Variants in TMEFF2 observed in about 807,000 individuals in gnomAD.
TMEFF2 encodes transmembrane protein with EGF like and two follistatin like domains 2.
Under a neutral mutation model 53.8 loss-of-function variants are expected in TMEFF2, and 28 were observed. The observed-to-expected ratio is 0.52, with a 90% CI of 0.39 to 0.71. TMEFF2 has a LOEUF of 0.71. Among genes scored for constraint, TMEFF2 ranks in the 30% least tolerant of loss-of-function variants. The probability of loss-of-function intolerance (pLI) is 0.00; values close to 1 mark genes in which losing one functional copy is unlikely to be tolerated. For synonymous variants in TMEFF2, 162 were observed against 166.3 expected (o/e 0.97, Z 0.20); for missense variants, 353 against 455.2 (o/e 0.78, Z 2.04).
chr2:192,084,355 AATG>A (rs374487881), intron 4 of TMEFF2, among the ~76,000 whole-genome samples: 4 of 152,166 alleles, frequency 2.6e-5, no homozygotes, highest in South Asian at 2.1e-4. Flanking sequence ...TGAGAGAGGA[AATG>A]ATATTTTCCA....
chr2:192,080,504 T>G (rs771164479), intron 4 of TMEFF2, among the ~76,000 whole-genome samples: 59 of 152,220 alleles, frequency 3.9e-4, no homozygotes, highest in Non-Finnish European at 5.7e-4. Flanking sequence ...TAAACATCTT[T>G]CCTTTATAAA....
intron 5 of TMEFF2, among the ~76,000 whole-genome samples, chr2:192,046,316 A>G (rs1687620044): frequency 6.6e-6 from 1 of 152,166 alleles, no homozygotes; most frequent in Non-Finnish European, 1.5e-5. Context: ...GTGAATCAAG[A>G]TCATGCCGCT....
intron 4 of TMEFF2, among the ~76,000 whole-genome samples, chr2:192,117,750 T>G (rs1689449478): frequency 6.6e-6 from 1 of 152,024 alleles, no homozygotes; most frequent in Admixed American, 6.6e-5. Flanking sequence ...CCAGGCCAAG[T>G]CTTCATTTGC....
chr2:191,994,941 G>T (rs1160159250), intron 7 of TMEFF2, among the ~76,000 whole-genome samples: 1 of 151,964 alleles, frequency 6.6e-6, no homozygotes. Flanking sequence ...GCAGAATAGA[G>T]ATCCAAATCA....
intron 4 of TMEFF2, among the ~76,000 whole-genome samples, chr2:192,063,171 G>T (rs1384086094): frequency 1.3e-5 from 2 of 151,634 alleles, no homozygotes; most frequent in Non-Finnish European, 2.9e-5. Context: ...TTCTCATATA[G>T]GTATTAAAAT....
At chr2:192,055,947 G>T (rs1022119286) in intron 5 of TMEFF2, among the ~76,000 whole-genome samples, 2 of 152,170 alleles carry the variant, frequency 1.3e-5, no homozygotes, top group African/African-American at 4.8e-5. Flanking sequence ...ACTGCTGTCT[G>T]ATTTTAGTAA....
chr2:191,984,193 A>G (rs1418655137), intron 7 of TMEFF2, among the ~76,000 whole-genome samples: 1 of 152,170 alleles, frequency 6.6e-6, no homozygotes, highest in African/African-American at 2.4e-5. Flanking sequence ...TTAATTAAAA[A>G]AATGAATTTC....
intron 5 of TMEFF2, among the ~76,000 whole-genome samples, chr2:192,000,101 CTATTT>C (rs1046162936): frequency 3.9e-5 from 6 of 151,978 alleles, no homozygotes; most frequent in African/African-American, 1.2e-4. Context: ...TTACACTTCT[CTATTT>C]TATTATTCTG....
rs533503030 is a variant in TMEFF2 at position 192,121,013 on chromosome 2, C to T, written c.439+58655G>A. On this transcript the variant is annotated intron_variant, in intron 4 of 9. Transcript: ENST00000272771. Reference sequence around the variant, plus strand: ...CCTCCCAAAGTGCTGGGATTACAGACGTGAGCCACCACACCCAGCCTGAAC... The same window carrying T: ...CCTCCCAAAGTGCTGGGATTACAGATGTGAGCCACCACACCCAGCCTGAAC... 3.9e-5 allele frequency among the ~76,000 whole-genome samples: 6 copies of T among 152,176 alleles called. 1 individual carries two copies. The highest frequency in any genetic ancestry group is 4.1e-4 in the South Asian group (2 of 4,820).
Position 191,950,320 on chromosome 2 carries a change from C to T in TMEFF2, c.1116G>A (p.Arg372=). 4 of 1,612,806 alleles carry T rather than the reference C, an allele frequency of 2.5e-6. No individual in the cohort carries two copies. Among genetic ancestry groups the T allele is most frequent in the Non-Finnish European group, 8.5e-7 (1 of 1,179,338 alleles). Reference sequence around the variant, plus strand: ...GTGAAACATGCTCCCTTTAGATTAACCTCGTGGACGCTCTTGTTGTATTGT... The same window carrying T: ...GTGAAACATGCTCCCTTTAGATTAATCTCGTGGACGCTCTTGTTGTATTGT... ...SSDNTTRAST[R]LI Residue 372 remains arginine (R), a synonymous_variant, in exon 10 of 10, where the codon AGG becomes AGA. Coordinates refer to ENST00000272771, the MANE Select transcript of TMEFF2 (RefSeq NM_016192.4).
At chr2:192,187,411 T>A (rs1473326928) in intron 2 of TMEFF2, among the ~76,000 whole-genome samples, 1 of 152,204 alleles carries the variant, frequency 6.6e-6, no homozygotes, top group Non-Finnish European at 1.5e-5. Context: ...AACTCTAACA[T>A]CAAGCCATGG....
At chr2:191,950,731 C>T (rs1044430207) in intron 9 of TMEFF2, among the ~76,000 whole-genome samples, 2 of 152,114 alleles carry the variant, frequency 1.3e-5, no homozygotes, top group Admixed American at 1.3e-4. Flanking sequence ...CATTTTATCT[C>T]ACTTTAAAGG....
chr2:192,164,978 C>CTGTGTGTGTGTGTGTGTG (rs71033662), intron 4 of TMEFF2, among the ~76,000 whole-genome samples: 4,794 of 145,146 alleles, frequency 0.033, 100 homozygotes, highest in African/African-American at 0.049. Context: ...TGAATAAAAA[C>CTGTGTGTGTGTGTGTGTG]TGTGTGTGTG....
chr2:191,980,622 C>T (rs1451984111), intron 7 of TMEFF2, among the ~76,000 whole-genome samples: 1 of 152,082 alleles, frequency 6.6e-6, no homozygotes, highest in African/African-American at 2.4e-5. Context: ...TTTGCTTTTT[C>T]CTCCACTTGA....
chr2:192,070,969 G>A (rs141058109), intron 4 of TMEFF2, among the ~76,000 whole-genome samples: 17 of 151,958 alleles, frequency 1.1e-4, no homozygotes, highest in Non-Finnish European at 2.1e-4. Flanking sequence ...AGTGGAAAGT[G>A]ACACGGGGTC....
At chr2:191,961,909 G>A (rs1019610683) in intron 7 of TMEFF2, among the ~76,000 whole-genome samples, 9 of 152,202 alleles carry the variant, frequency 5.9e-5, no homozygotes, top group African/African-American at 1.7e-4. Flanking sequence ...AGGCATATAC[G>A]AGTAGATGAG....
chr2:192,022,857 TA>T lies in TMEFF2; in HGVS notation c.537-23650del, dbSNP rs1686887645. ...GTTTACTACTTGCCAGGAGCTGTGC[TA>T]AGTGCTTTCTAGATAAATTACATTC... On this transcript the variant is annotated intron_variant, in intron 5 of 9. Coordinates refer to ENST00000272771, the MANE Select transcript of TMEFF2 (RefSeq NM_016192.4). Among the ~76,000 whole-genome samples the T allele has an allele frequency of 1.1e-4, 16 of 152,322 alleles. No individual in the cohort carries two copies. In the South Asian group the frequency reaches 3.3e-3, roughly 32 times the overall value.
chr2:192,145,736 G>A (rs1690235831), intron 4 of TMEFF2, among the ~76,000 whole-genome samples: 1 of 151,932 alleles, frequency 6.6e-6, no homozygotes. Context: ...GCAGTCTTGG[G>A]AAAGTTATTT....
At chr2:192,023,171 C>G (rs1686895628) in intron 5 of TMEFF2, among the ~76,000 whole-genome samples, 1 of 152,116 alleles carries the variant, frequency 6.6e-6, no homozygotes, top group Admixed American at 6.5e-5. Context: ...GGACAAAGTT[C>G]TTAGTTCAAA....
Sources: gnomAD v4.1 joint callset for allele counts (sites outside exome capture counted in the v4.1 genomes callset) on GRCh38, gnomAD v4.1.1 for gene constraint, MANE v1.5 for transcripts, NCBI Gene and HGNC (gene_info 2026-07-23, HGNC 2026-07-21) for gene names.